The following FIP1L1 variants were observed in gnomAD, a reference collection of about 807,000 sequenced individuals.
FIP1L1 encodes the protein factor interacting with PAPOLA and CPSF1.
Under a neutral mutation model 84.6 loss-of-function variants are expected in FIP1L1, and 21 were observed. The observed-to-expected ratio is 0.25, with a 90% CI of 0.18 to 0.36. The LOEUF is 0.36. Among genes scored for constraint, FIP1L1 ranks in the 10% least tolerant of loss-of-function variants. The pLI, the probability that FIP1L1 is intolerant of heterozygous loss-of-function variation, is 1.00. For synonymous variants in FIP1L1, 263 were observed against 242.3 expected (o/e 1.09, Z -0.80); for missense variants, 526 against 751.1 (o/e 0.70, Z 3.50).
At chr4:53,417,018 TTC>T (rs1759795714) in intron 11 of FIP1L1, among the ~76,000 whole-genome samples, 1 of 152,180 alleles carries the variant, frequency 6.6e-6, no homozygotes, top group Admixed American at 6.5e-5. Context: ...TAAACTTTGT[TTC>T]TTTGGCTTTG....
intron 10 of FIP1L1, 75 bp from the exon 11 acceptor site, chr4:53,414,540 A>G (rs1758588372): frequency 1.1e-5 from 6 of 537,378 alleles, no homozygotes; most frequent in Admixed American, 7.0e-5. Context: ...CATGTCAAGA[A>G]AAAAAAAAAA....
In FIP1L1 at chr4:53,383,851, A is replaced by G. The variant is rs1285002617; in HGVS notation, c.307A>G (p.Ile103Val). Residue 103 changes from isoleucine to valine, a missense_variant, in exon 5 of 18, where the codon ATT (isoleucine) becomes GTT (valine). By Grantham distance (29) the Ile-to-Val change is conservative. Around this residue, in one of 6 missense-constraint regions of FIP1L1, gnomAD observed 169 missense variants for 206.9 expected, o/e 0.82. Transcript: ENST00000337488. Reference sequence around the variant, plus strand: ...TGATGTTCATGTCACTATAGGAGACATTAAAACGGGAGCACCACAGTATGG... The same window carrying G: ...TGATGTTCATGTCACTATAGGAGACGTTAAAACGGGAGCACCACAGTATGG... ...EDDVHVTIGDIKTGAPQYGSY... is the reference protein window; with the variant it reads ...EDDVHVTIGDVKTGAPQYGSY... 2 of 1,613,230 alleles carry G rather than the reference A, an allele frequency of 1.2e-6. No individual in the cohort carries two copies. Among genetic ancestry groups the G allele is most frequent in the South Asian group, 1.1e-5 (1 of 90,846 alleles).
At chr4:53,416,358 G>C (rs1219816647) in intron 11 of FIP1L1, among the ~76,000 whole-genome samples, 1 of 152,162 alleles carries the variant, frequency 6.6e-6, no homozygotes, top group African/African-American at 2.4e-5. Context: ...TGGATTTTAG[G>C]TTTAGTTTTG....
At chr4:53,434,062 C>G (rs1308530541) in intron 13 of FIP1L1, among the ~76,000 whole-genome samples, 2 of 152,118 alleles carry the variant, frequency 1.3e-5, no homozygotes, top group African/African-American at 4.8e-5. Flanking sequence ...GGTTCTTTAG[C>G]ACAGCAGTTC....
chr4:53,458,704 TCA>T lies in FIP1L1; in HGVS notation c.1554_1555del (p.His518GlnfsTer11). On this transcript the variant is annotated frameshift_variant, in exon 17 of 18. Coordinates refer to ENST00000337488, the MANE Select transcript of FIP1L1 (RefSeq NM_030917.4). LOFTEE classifies it high-confidence loss of function. Reference sequence around the variant, plus strand: ...AATATGCAGAAAGAGGTTATGAGCGTCACAGAGCAAGTCGAGAAAAAGAAGAA... The same window carrying T: ...AATATGCAGAAAGAGGTTATGAGCGTCAGAGCAAGTCGAGAAAAAGAAGAA... ...REYAERGYER[H>X]RASREKEERH... The T allele has an allele frequency of 6.2e-7, 1 of 1,613,232 alleles. No homozygotes were observed. Among genetic ancestry groups the T allele is most frequent in the South Asian group, 1.1e-5 (1 of 91,014 alleles).
intron 13 of FIP1L1, among the ~76,000 whole-genome samples, chr4:53,431,923 G>A (rs1766869031): frequency 6.6e-6 from 1 of 152,140 alleles, no homozygotes; most frequent in African/African-American, 2.4e-5. Context: ...ACACACACCT[G>A]CAAACGTATA....
intron 10 of FIP1L1, among the ~76,000 whole-genome samples, chr4:53,406,386 T>A (rs545654592): frequency 1.3e-5 from 2 of 152,334 alleles, no homozygotes; most frequent in African/African-American, 4.8e-5. Context: ...ATAAGCTTTT[T>A]GATGTGCTGC....
intron 9 of FIP1L1, among the ~76,000 whole-genome samples, chr4:53,398,079 A>G (rs1353906584): frequency 1.3e-5 from 2 of 151,976 alleles, no homozygotes; most frequent in African/African-American, 2.4e-5. Context: ...CATAATATTT[A>G]TTATATTGCT....
rs1158176253 is a variant in FIP1L1, at chr4:53,399,724, T to G, written c.706-6T>G. On this transcript the variant is annotated splice_polypyrimidine_tract_variant and splice_region_variant and intron_variant, in intron 9 of 17. Coordinates refer to ENST00000337488, the MANE Select transcript of FIP1L1 (RefSeq NM_030917.4). ...TTCAACAAGCTAATAACCTTTTTTT[T>G]TTAAGGTACAGCAGGGAAGAACTGG... The G allele has an allele frequency of 6.3e-7, 1 of 1,595,098 alleles. No individual in the cohort carries two copies. The highest frequency in any genetic ancestry group is 8.6e-7 in the Non-Finnish European group (1 of 1,167,464).
intron 5 of FIP1L1, among the ~76,000 whole-genome samples, chr4:53,385,723 A>G (rs1740658944): frequency 6.6e-6 from 1 of 152,146 alleles, no homozygotes; most frequent in South Asian, 2.1e-4. Flanking sequence ...TTTACCCATC[A>G]CCTAGATTAT....
intron 10 of FIP1L1, among the ~76,000 whole-genome samples, chr4:53,407,884 G>A (rs1309808338): frequency 5.3e-5 from 8 of 152,102 alleles, no homozygotes; most frequent in Admixed American, 2.6e-4. Context: ...GAGTCTATGT[G>A]TGTCTCTGCA....
At chr4:53,384,067 A>G (rs1739539387) in intron 5 of FIP1L1, among the ~76,000 whole-genome samples, 191 bp downstream of exon 5, 2 of 152,214 alleles carry the variant, frequency 1.3e-5, no homozygotes, top group South Asian at 4.1e-4. Context: ...GCGAAGGTAC[A>G]TAGAAGCAGC....
Position 53,460,026 on chromosome 4 carries a change from A to T in FIP1L1, c.*577A>T, listed in dbSNP as rs1029519191. ...TTTCATATCCAAATTAATAAAACCT[A>T]TAAGGCATCTGGGTGGCCTCTATGA... On this transcript the variant is annotated 3_prime_UTR_variant, in exon 18 of 18. Coordinates refer to ENST00000337488, the MANE Select transcript of FIP1L1 (RefSeq NM_030917.4). The T allele has an allele frequency of 2.5e-5, 5 of 200,800 alleles. No individual in the cohort carries two copies. Among genetic ancestry groups the T allele is most frequent in the Non-Finnish European group, 1.0e-5 (1 of 100,106 alleles). The allele number at this position is 200,800 out of a possible 1,614,324, so 12.4% of individuals were successfully genotyped here.
At chr4:53,387,310 A>T (rs1013209750) in intron 5 of FIP1L1, among the ~76,000 whole-genome samples, 4 of 152,204 alleles carry the variant, frequency 2.6e-5, no homozygotes, top group Admixed American at 6.5e-5. Flanking sequence ...GAATAAATAG[A>T]AACAAATAAC....
At position 53,377,829 on chromosome 4, in the gene FIP1L1, C is replaced by G. The variant is rs770520232; in HGVS notation, c.-10C>G. On this transcript the variant is annotated 5_prime_UTR_variant, in exon 1 of 18. Coordinates refer to ENST00000337488, the MANE Select transcript of FIP1L1 (RefSeq NM_030917.4). ...TTGATCGCCGCGTTTAAGTTGCGCT[C>G]GGGGCGGCCATGTCGGCCGGCGAGG... The G allele has an allele frequency of 3.2e-6, 5 of 1,560,952 alleles. No homozygotes were observed. The African/African-American group carries it at 5.5e-5, about 17-fold the overall frequency.
At chr4:53,410,581 T>C (rs1407086992) in intron 10 of FIP1L1, among the ~76,000 whole-genome samples, 1 of 152,224 alleles carries the variant, frequency 6.6e-6, no homozygotes, top group Non-Finnish European at 1.5e-5. Context: ...ATTTGCTTTT[T>C]GTCTAACATC....
intron 13 of FIP1L1, among the ~76,000 whole-genome samples, chr4:53,442,033 T>C (rs1388840354): frequency 6.6e-6 from 1 of 151,998 alleles, no homozygotes; most frequent in Admixed American, 6.6e-5. Flanking sequence ...TTGTGAATTA[T>C]TCAGAATGCA....
chr4:53,400,322 C>T (rs1431001456), intron 10 of FIP1L1, among the ~76,000 whole-genome samples: 1 of 152,160 alleles, frequency 6.6e-6, no homozygotes, highest in Non-Finnish European at 1.5e-5. Flanking sequence ...GATAATACCT[C>T]ATATGTTCCC....
chr4:53,452,672 T>C (rs1319016630), intron 15 of FIP1L1, among the ~76,000 whole-genome samples: 1 of 152,194 alleles, frequency 6.6e-6, no homozygotes, highest in Non-Finnish European at 1.5e-5. Context: ...ATTTTTTATA[T>C]TGGGAAGTTT....
Sources: gnomAD v4.1 joint callset for allele counts (sites outside exome capture counted in the v4.1 genomes callset) on GRCh38, gnomAD v4.1.1 for gene constraint, gnomAD v4.1.1 regional missense constraint, MANE v1.5 for transcripts, NCBI Gene and HGNC (gene_info 2026-07-23, HGNC 2026-07-21) for gene names.